The following NHSL3 variants were observed in gnomAD, a reference collection of about 807,000 sequenced individuals.
NHSL3 encodes NHS like 3, also known as NHS-like protein 3.
the NHSL3 span, chr1:32,772,510 A>G: frequency 6.7e-7 from 1 of 1,496,084 alleles, no homozygotes; most frequent in Non-Finnish European, 8.9e-7. Flanking sequence ...AAGTCCCGCC[A>G]TGGGGGATTT....
chr1:32,766,554 G>T, the NHSL3 span, among the ~76,000 whole-genome samples: 1 of 152,096 alleles, frequency 6.6e-6, no homozygotes, highest in Admixed American at 6.5e-5. Context: ...GGGCCTCCTA[G>T]CTCTGACCTG....
At chr1:32,770,485 G>A in the NHSL3 span, 3 of 1,578,536 alleles carry the variant, frequency 1.9e-6, no homozygotes, top group Non-Finnish European at 2.6e-6. The surrounding 1 kb of genome is among the most constrained non-coding windows in gnomAD (Gnocchi z 8.3). Flanking sequence ...CTCCTCTAAG[G>A]GTGGCTCTGA....
At chr1:32,756,657 CAAAAAAAA>C in the NHSL3 span, among the ~76,000 whole-genome samples, 2 of 49,956 alleles carry the variant, frequency 4.0e-5, no homozygotes, top group Non-Finnish European at 7.1e-5. Flanking sequence ...ACCCTGTCTC[CAAAAAAAA>C]AAAAAAAAAA....
the NHSL3 span, chr1:32,770,730 G>A: frequency 6.4e-7 from 1 of 1,553,922 alleles, no homozygotes; most frequent in Non-Finnish European, 8.7e-7. This position sits in a 1 kb window ranked among gnomAD's most constrained non-coding sequence, Gnocchi z 8.3. Context: ...TGCCTGATGG[G>A]CCATTAGGGT....
chr1:32,769,585 G>A, the NHSL3 span: 9 of 1,035,600 alleles, frequency 8.7e-6, no homozygotes, highest in African/African-American at 1.1e-4. Flanking sequence ...ACCATTTCTC[G>A]CAGAGCTCTT....
At chr1:32,742,162 G>T in the NHSL3 span, 2 of 1,247,824 alleles carry the variant, frequency 1.6e-6, no homozygotes, top group Non-Finnish European at 2.0e-6. Flanking sequence ...GGAGGACAAG[G>T]CCAAGAGGGC....
chr1:32,762,724 G>A, the NHSL3 span, among the ~76,000 whole-genome samples: 1 of 152,032 alleles, frequency 6.6e-6, no homozygotes. Flanking sequence ...CAAGTAGCTG[G>A]GATTACAGGC....
the NHSL3 span, among the ~76,000 whole-genome samples, chr1:32,750,824 A>T: frequency 3.1e-4 from 40 of 128,682 alleles, no homozygotes; most frequent in South Asian, 7.3e-4. Context: ...TTATTTATTT[A>T]TTTTTTTGAG....
At chr1:32,747,193 TTTTG>T in the NHSL3 span, among the ~76,000 whole-genome samples, 14 of 135,352 alleles carry the variant, frequency 1.0e-4, no homozygotes, top group African/African-American at 3.5e-5. Flanking sequence ...TTTTGTTTTG[TTTTG>T]TTTTTTGAGA....
chr1:32,766,191 G>T, the NHSL3 span, among the ~76,000 whole-genome samples: 2 of 152,128 alleles, frequency 1.3e-5, no homozygotes, highest in African/African-American at 4.8e-5. Context: ...CGGCCCAGAA[G>T]AGAGGAGAGT....
the NHSL3 span, among the ~76,000 whole-genome samples, chr1:32,760,588 GTTTT>G: frequency 0.16 from 22,229 of 138,632 alleles, 1,902 homozygotes; most frequent in Middle Eastern, 0.26. Flanking sequence ...GTGTGTGTGT[GTTTT>G]TTTTTTTTTT....
the NHSL3 span, chr1:32,772,247 C>T: frequency 1.1e-5 from 17 of 1,604,052 alleles, no homozygotes; most frequent in East Asian, 1.6e-4. Context: ...AAGGCTCCCC[C>T]ACCTGTGGCC....
the NHSL3 span, chr1:32,741,952 G>A: frequency 1.1e-5 from 11 of 989,468 alleles, no homozygotes; most frequent in Non-Finnish European, 1.1e-5. This position sits in a 1 kb window ranked among gnomAD's most constrained non-coding sequence, Gnocchi z 4.3. Flanking sequence ...GCCCCCGCCT[G>A]CCATGGCGGC....
the NHSL3 span, chr1:32,770,906 G>T: frequency 6.2e-7 from 1 of 1,610,520 alleles, no homozygotes. This position sits in a 1 kb window ranked among gnomAD's most constrained non-coding sequence, Gnocchi z 8.3. Context: ...TCCCCAGAAC[G>T]GACACTTTCG....
At chr1:32,767,235 T>C in the NHSL3 span, among the ~76,000 whole-genome samples, 2 of 152,164 alleles carry the variant, frequency 1.3e-5, no homozygotes, top group Non-Finnish European at 2.9e-5. Context: ...GTTTTGGGTA[T>C]GGAGGCGAGA....
the NHSL3 span, among the ~76,000 whole-genome samples, chr1:32,747,197 G>GT: frequency 2.7e-5 from 4 of 150,690 alleles, no homozygotes; most frequent in African/African-American, 9.8e-5. Context: ...GTTTTGTTTT[G>GT]TTTTTTGAGA....
the NHSL3 span, among the ~76,000 whole-genome samples, chr1:32,752,946 CACACATATAT>C: frequency 9.4e-3 from 226 of 24,072 alleles, 2 homozygotes; most frequent in African/African-American, 0.033. Flanking sequence ...CACACACACA[CACACATATAT>C]ATATATATAT....
At chr1:32,767,589 G>T in the NHSL3 span, among the ~76,000 whole-genome samples, 1,053 of 152,212 alleles carry the variant, frequency 6.9e-3, 2 homozygotes, top group Non-Finnish European at 0.012. Context: ...GGTGTAGTTT[G>T]TGTATATGGG....
the NHSL3 span, among the ~76,000 whole-genome samples, chr1:32,748,846 T>C: frequency 4.6e-3 from 701 of 152,158 alleles, 5 homozygotes; most frequent in Non-Finnish European, 8.0e-3. Context: ...TTCCCAGAAA[T>C]GTAAAAAATA....
Sources: allele counts gnomAD v4.1 joint callset (sites outside exome capture counted in the v4.1 genomes callset), GRCh38; gene constraint gnomAD v4.1.1; non-coding constraint Gnocchi (gnomAD v3.1); transcripts MANE v1.5; gene names NCBI Gene and HGNC (gene_info 2026-07-23, HGNC 2026-07-21).